The following ABHD6 variants were observed in gnomAD, a reference collection of about 807,000 sequenced individuals.
ABHD6 encodes the protein abhydrolase domain containing 6, acylglycerol lipase, also known as monoacylglycerol lipase ABHD6.
Under a neutral mutation model 38.8 loss-of-function variants are expected in ABHD6, and 33 were observed. The observed-to-expected ratio is 0.85, with a 90% confidence interval of 0.64 to 1.14. The LOEUF is 1.14. Ranked by LOEUF, ABHD6 falls within the 50% of genes most tolerant of loss-of-function variation. The pLI, the probability that ABHD6 is intolerant of heterozygous loss-of-function variation, is 0.00. For missense variants in ABHD6, 380 were observed against 422.6 expected (o/e 0.90, Z 0.88); for synonymous variants, 147 against 161.6 (o/e 0.91, Z 0.69).
At chr3:58,250,935 A>G (rs1198770645) in intron 2 of ABHD6, among the ~76,000 whole-genome samples, 1 of 152,168 alleles carries the variant, frequency 6.6e-6, no homozygotes, top group African/African-American at 2.4e-5. Context: ...GTGCCTCTTC[A>G]CCTTTGCCTA....
chr3:58,243,916 C>A (rs1196019127), intron 1 of ABHD6, among the ~76,000 whole-genome samples: 1 of 152,004 alleles, frequency 6.6e-6, no homozygotes, highest in African/African-American at 2.4e-5. Flanking sequence ...CTTGGCCTCC[C>A]AAAGTGCTGA....
intron 7 of ABHD6, among the ~76,000 whole-genome samples, chr3:58,281,163 T>C (rs2097452893): frequency 6.6e-6 from 1 of 152,222 alleles, no homozygotes; most frequent in African/African-American, 2.4e-5. Context: ...TCTGCAGAAA[T>C]TGCCTGCTGC....
chr3:58,274,682 A>G lies in ABHD6; in HGVS notation c.548A>G (p.Gln183Arg), dbSNP rs2097447460. 1.2e-6 allele frequency: 2 copies of G among 1,614,100 alleles called. No homozygotes were observed. The highest frequency in any genetic ancestry group is 3.3e-5 in the Admixed American group (2 of 60,004). Reference sequence around the variant, plus strand: ...GGCCTGCAGTACTCAACTGACAATCAATTTGTACAACGGCTCAAAGAACTG... The same window carrying G: ...GGCCTGCAGTACTCAACTGACAATCGATTTGTACAACGGCTCAAAGAACTG... Reference protein sequence around the residue: ...PAGLQYSTDNQFVQRLKELQG... With the variant: ...PAGLQYSTDNRFVQRLKELQG... The change falls in exon 7 of 10, where the codon CAA becomes CGA. Residue 183 changes from glutamine to arginine, a missense_variant. Physicochemically the swap from Gln to Arg is conservative, Grantham distance 43. Coordinates refer to ENST00000478253, the MANE Select transcript of ABHD6 (RefSeq NM_001320126.2).
At chr3:58,286,950 AT>A (rs1444168660) in intron 9 of ABHD6, among the ~76,000 whole-genome samples, 2 of 149,924 alleles carry the variant, frequency 1.3e-5, no homozygotes, top group African/African-American at 4.9e-5. Context: ...TCTTAAAAAA[AT>A]TTTATCTTGA....
intron 3 of ABHD6, among the ~76,000 whole-genome samples, chr3:58,264,422 C>T (rs1054055524): frequency 0.014 from 1,897 of 139,328 alleles, 83 homozygotes; most frequent in African/African-American, 0.056. Context: ...CACACACACA[C>T]ACACACACAC....
intron 4 of ABHD6, among the ~76,000 whole-genome samples, chr3:58,268,631 T>C (rs1034225229): frequency 6.6e-6 from 1 of 152,216 alleles, no homozygotes; most frequent in African/African-American, 2.4e-5. Context: ...GTTAGTTGTA[T>C]TCTTATTTCC....
chr3:58,283,573 G>T (rs182177777), intron 7 of ABHD6, among the ~76,000 whole-genome samples: 1 of 152,214 alleles, frequency 6.6e-6, no homozygotes. Flanking sequence ...CAATGGATGG[G>T]TGGGTAGATG....
At chr3:58,272,723 A>G (rs2097445930) in intron 6 of ABHD6, among the ~76,000 whole-genome samples, 2 of 152,196 alleles carry the variant, frequency 1.3e-5, no homozygotes, top group South Asian at 4.1e-4. Context: ...GAAAAAATTG[A>G]CATCCGAATT....
intron 7 of ABHD6, among the ~76,000 whole-genome samples, chr3:58,276,911 A>G (rs939766622): frequency 1.3e-5 from 2 of 152,228 alleles, no homozygotes; most frequent in African/African-American, 2.4e-5. Flanking sequence ...TTTGTCAAAG[A>G]TCAGATGGTT....
chr3:58,285,345 C>T lies in ABHD6; in HGVS notation c.737-8C>T, dbSNP rs373284362. On this transcript the variant is annotated splice_polypyrimidine_tract_variant and splice_region_variant and intron_variant, in intron 8 of 9. Transcript: ENST00000478253. The surrounding 1 kb of genome is among the most constrained non-coding windows in gnomAD (Gnocchi z 4.9). ...CACATACTCACTTTGTTTTCCTTTT[C>T]TGACAAGTGTTTTTGGAAATCGTCA... 3 of 1,613,650 alleles carry T rather than the reference C, an allele frequency of 1.9e-6. No homozygotes were observed. Among genetic ancestry groups the T allele is most frequent in the Non-Finnish European group, 2.5e-6 (3 of 1,179,544 alleles).
chr3:58,241,687 C>T (rs768904012), intron 1 of ABHD6, among the ~76,000 whole-genome samples: 1 of 152,196 alleles, frequency 6.6e-6, no homozygotes, highest in Non-Finnish European at 1.5e-5. Context: ...GATGGCAATG[C>T]AGACCCTGCC....
At position 58,287,649 on chromosome 3, in the gene ABHD6, G is replaced by A. The variant is rs552607357; in HGVS notation, c.837+2196G>A. On this transcript the variant is annotated intron_variant, in intron 9 of 9. Transcript: ENST00000478253. This position sits in a 1 kb window ranked among gnomAD's most constrained non-coding sequence, Gnocchi z 4.7. ...GATCAGGAATCAGAGCCTGAGCAGC[G>A]AAGGCCTTCTGTTGTTCTAAAAACC... Among the ~76,000 whole-genome samples the A allele has an allele frequency of 1.3e-5, 2 of 152,300 alleles. No homozygotes were observed. Among genetic ancestry groups the A allele is most frequent in the South Asian group, 4.1e-4 (2 of 4,826 alleles).
rs1480441063 is a variant in ABHD6 at position 58,257,335 on chromosome 3, T to G, written c.119+630T>G. 1.3e-5 allele frequency among the ~76,000 whole-genome samples: 2 copies of G among 151,810 alleles called. No individual in the cohort carries two copies. The highest frequency in any genetic ancestry group is 4.8e-5 in the African/African-American group (2 of 41,306). On this transcript the variant is annotated intron_variant, in intron 3 of 9. Transcript: ENST00000478253. The surrounding 1 kb of genome is among the most constrained non-coding windows in gnomAD (Gnocchi z 4.8). The stretch of plus-strand genomic sequence containing the variant: ...TTCTTGATCATTGGTTGTTTTTGTT[T>G]GTTTGTTGGTTGGTTGGTTTTTTGG...
chr3:58,282,119 T>C (rs13077539), intron 7 of ABHD6, among the ~76,000 whole-genome samples: 14,081 of 152,156 alleles, frequency 0.093, 762 homozygotes, highest in African/African-American at 0.13. Flanking sequence ...GCAAGTAACA[T>C]TGAGTATTAG....
rs1019206727 is a variant in ABHD6, at chr3:58,251,754, G to T, written c.-26+1812G>T. Among the ~76,000 whole-genome samples, 2 of 152,132 alleles carry T rather than the reference G, an allele frequency of 1.3e-5. No homozygotes were observed. The highest frequency in any genetic ancestry group is 4.8e-5 in the African/African-American group (2 of 41,420). On this transcript the variant is annotated intron_variant, in intron 2 of 9. Coordinates refer to ENST00000478253, the MANE Select transcript of ABHD6 (RefSeq NM_001320126.2). The surrounding 1 kb of genome is among the most constrained non-coding windows in gnomAD (Gnocchi z 5.4). ...GGCATTGCCTGCTTCACACTGTGCC[G>T]CAGTGTCTTTAACCCTGGGGTGCCT...
chr3:58,275,080 T>C (rs2097447817), intron 7 of ABHD6, among the ~76,000 whole-genome samples: 3 of 152,082 alleles, frequency 2.0e-5, no homozygotes, highest in African/African-American at 7.2e-5. Context: ...CTACCAGTGG[T>C]CATGAGTTTT....
At chr3:58,278,654 G>A (rs1158897901) in intron 7 of ABHD6, among the ~76,000 whole-genome samples, 1 of 152,130 alleles carries the variant, frequency 6.6e-6, no homozygotes, top group Non-Finnish European at 1.5e-5. Context: ...TTTTGAATGT[G>A]TTTGCCCTTG....
chr3:58,287,879 C>G lies in ABHD6; in HGVS notation c.837+2426C>G, dbSNP rs890740040. On this transcript the variant is annotated intron_variant, in intron 9 of 9. Coordinates refer to ENST00000478253, the MANE Select transcript of ABHD6 (RefSeq NM_001320126.2). This position sits in a 1 kb window ranked among gnomAD's most constrained non-coding sequence, Gnocchi z 4.7. ...TAAGGGTTTCTGAAACTTCTAGTAC[C>G]AGGGTTATTTTGAGGCTCAAATGAA... Among the ~76,000 whole-genome samples the G allele has an allele frequency of 6.6e-6, 1 of 152,176 alleles. No individual in the cohort carries two copies. The highest frequency in any genetic ancestry group is 2.4e-5 in the African/African-American group (1 of 41,446).
At chr3:58,248,054 A>G (rs1318085243) in intron 1 of ABHD6, among the ~76,000 whole-genome samples, 2 of 152,192 alleles carry the variant, frequency 1.3e-5, no homozygotes, top group South Asian at 4.1e-4. Context: ...GTACATAAGC[A>G]TAACAAATAT....
Sources: gnomAD v4.1 joint callset for allele counts (sites outside exome capture counted in the v4.1 genomes callset) on GRCh38, gnomAD v4.1.1 for gene constraint, Gnocchi (gnomAD v3.1) non-coding constraint, MANE v1.5 for transcripts, NCBI Gene and HGNC (gene_info 2026-07-23, HGNC 2026-07-21) for gene names.